The following CROCC variants were observed in gnomAD, a reference collection of about 807,000 sequenced individuals.
CROCC encodes the protein ciliary rootlet coiled-coil, rootletin, also known as rootletin.
In CROCC, 180 loss-of-function variants were observed where a neutral mutation model predicts 245.2. The ratio of observed to expected loss-of-function variants is 0.73; its 90% confidence interval spans 0.65 to 0.83. The LOEUF (loss-of-function observed/expected upper bound fraction) is 0.83, where lower values mean the gene tolerates loss of function less well. Among genes scored for constraint, CROCC ranks in the 40% least tolerant of loss-of-function variants. The probability of loss-of-function intolerance (pLI) is 0.00; values close to 1 mark genes in which losing one functional copy is unlikely to be tolerated. For missense variants in CROCC, 2,688 were observed against 2,779.4 expected (o/e 0.97, Z 0.74); for synonymous variants, 1,205 against 1,241.6 (o/e 0.97, Z 0.62).
chr1:16,939,900 C>T lies in CROCC; in HGVS notation c.1615C>T (p.Arg539Cys), dbSNP rs148395884. 4 of 1,612,138 alleles carry T rather than the reference C, an allele frequency of 2.5e-6. No homozygotes were observed. Among genetic ancestry groups the T allele is most frequent in the South Asian group, 2.2e-5 (2 of 91,010 alleles). The change falls in exon 13 of 37, where the codon CGT (arginine) becomes TGT (cysteine). Residue 539 changes from arginine to cysteine, a missense_variant. By Grantham distance (180) the Arg-to-Cys change is radical (BLOSUM62 -3). Coordinates refer to ENST00000375541, the MANE Select transcript of CROCC (RefSeq NM_014675.5). ...HKRQLQVQDM[R>C]GRYEASQDLL... ...GTGACCCCCCACACCCCAGGACATG[C>T]GTGGGCGCTATGAGGCAAGCCAGGA... is the stretch of plus-strand genomic sequence containing the variant.
At chr1:16,926,806 G>C (rs1250425519) in intron 3 of CROCC, among the ~76,000 whole-genome samples, 1 of 152,276 alleles carries the variant, frequency 6.6e-6, no homozygotes, top group Non-Finnish European at 1.5e-5. Context: ...AGAGTAAATT[G>C]AATGGCGGTC....
chr1:16,945,202 C>T (rs1326742309), intron 14 of CROCC, among the ~76,000 whole-genome samples: 1 of 152,280 alleles, frequency 6.6e-6, no homozygotes, highest in Non-Finnish European at 1.5e-5. Context: ...CACTGTACTC[C>T]AGCCTGTGTG....
At chr1:16,938,757 G>C (rs2075848492) in intron 11 of CROCC, 152 bp from the exon 12 acceptor site, 2 of 836,630 alleles carry the variant, frequency 2.4e-6, no homozygotes, top group Non-Finnish European at 3.8e-6. Flanking sequence ...GCCGAGGACT[G>C]AGCTAGTGGA....
At chr1:16,926,036 G>C (rs1311818412) in intron 3 of CROCC, among the ~76,000 whole-genome samples, 7 of 152,280 alleles carry the variant, frequency 4.6e-5, no homozygotes, top group African/African-American at 1.7e-4. Flanking sequence ...GAGGTGGGAG[G>C]TAGCAGGTTC....
intron 15 of CROCC, among the ~76,000 whole-genome samples, 153 bp from the exon 16 acceptor site, chr1:16,946,106 C>T (rs866733511): frequency 1.6e-4 from 25 of 152,342 alleles, no homozygotes; most frequent in African/African-American, 4.3e-4. Context: ...AGGCTTTCTG[C>T]GGTGATTTTT....
rs747525189 is a variant in CROCC, at chr1:16,939,005, C to G, written c.1471C>G (p.Arg491Gly). ...NGSLRGLSGQ[R>G]TPSPPRRSSP... ...CAGCCTGCGGGGGCTCTCGGGCCAG[C>G]GGACCCCGTCCCCACCGCGGCGCTC... The change falls in exon 12 of 37, where the codon CGG (arginine) becomes GGG (glycine). Residue 491 changes from arginine to glycine, a missense_variant. Around this residue, in one of 9 missense-constraint regions of CROCC, gnomAD observed 972 missense variants for 895.3 expected, o/e 1.09. Transcript: ENST00000375541. The G allele has an allele frequency of 3.7e-6, 6 of 1,602,848 alleles. No individual in the cohort carries two copies. Among genetic ancestry groups the G allele is most frequent in the Non-Finnish European group, 5.1e-6 (6 of 1,176,516 alleles).
chr1:16,945,201 C>T (rs530249695), intron 14 of CROCC, among the ~76,000 whole-genome samples: 1 of 152,264 alleles, frequency 6.6e-6, no homozygotes, highest in East Asian at 1.9e-4. Flanking sequence ...CCACTGTACT[C>T]CAGCCTGTGT....
At chr1:16,941,520 A>C (rs1191876324) in intron 13 of CROCC, 2 of 152,606 alleles carry the variant, frequency 1.3e-5, no homozygotes, top group Admixed American at 1.3e-4. Context: ...TGAGGTCAGG[A>C]GATTGAGACC....
rs1227502081 is a variant in CROCC, at chr1:16,934,789, T to C, written c.957-1848T>C. The stretch of plus-strand genomic sequence containing the variant: ...AGGCAAGCAGCATTATCAGCTTCTT[T>C]TTCTTTTTATATATACAGATTTTTT... On this transcript the variant is annotated intron_variant, in intron 8 of 36. Coordinates refer to ENST00000375541, the MANE Select transcript of CROCC (RefSeq NM_014675.5). Among the ~76,000 whole-genome samples the C allele has an allele frequency of 3.9e-5, 6 of 152,246 alleles. No homozygotes were observed. The East Asian group carries it at 1.2e-3, about 29-fold the overall frequency.
At chr1:16,957,763 T>TA (rs1051115931) in intron 25 of CROCC, among the ~76,000 whole-genome samples, 6 of 152,046 alleles carry the variant, frequency 3.9e-5, no homozygotes, top group African/African-American at 7.3e-5. Flanking sequence ...TTTTTTTAAT[T>TA]AAAAAAATTG....
intron 30 of CROCC, among the ~76,000 whole-genome samples, chr1:16,967,949 G>A (rs557535591): frequency 1.8e-4 from 27 of 152,286 alleles, no homozygotes; most frequent in African/African-American, 2.6e-4. Context: ...CATAGGGCGC[G>A]AAGGGGCAGT....
upstream of CROCC, among the ~76,000 whole-genome samples, chr1:16,917,104 C>G (rs552307944): frequency 8.5e-5 from 13 of 152,396 alleles, no homozygotes; most frequent in East Asian, 1.5e-3. Context: ...GGTGACAGAG[C>G]CAGACTCCAT....
In CROCC at chr1:16,923,674, C is replaced by CTTT. The variant is rs61063425; in HGVS notation, c.197-629_197-627dup. Among the ~76,000 whole-genome samples, 627 of 103,462 alleles carry CTTT rather than the reference C, an allele frequency of 6.1e-3. 3 individuals carry two copies. The highest frequency in any genetic ancestry group is 0.012 in the Middle Eastern group (2 of 170). 67.9% of individuals were successfully genotyped at this position (103,462 alleles called of 152,430 possible). A position where few individuals can be genotyped will look rare whatever the true frequency, so the allele number is the denominator to read the frequency against. On this transcript the variant is annotated intron_variant, in intron 2 of 36. Coordinates refer to ENST00000375541, the MANE Select transcript of CROCC (RefSeq NM_014675.5). ...GAGGATCTGGTTACTACTATTCTAC[C>CTTT]TTTTTTTTTTTTTTTTTTTTTTTTG... is the stretch of plus-strand genomic sequence containing the variant.
In CROCC at chr1:16,951,025, C is replaced by T. The variant is rs143602735; in HGVS notation, c.2909C>T (p.Ala970Val). The T allele has an allele frequency of 9.3e-6, 15 of 1,606,894 alleles. No homozygotes were observed. The African/African-American group carries it at 2.0e-4, about 22-fold the overall frequency. The change falls in exon 20 of 37, where the codon GCC becomes GTC. Residue 970 changes from alanine (A) to valine (V), a missense_variant. Physicochemically the swap from Ala to Val is moderately conservative, Grantham distance 64. Around this residue, in one of 9 missense-constraint regions of CROCC, gnomAD observed 106 missense variants for 126.1 expected, o/e 0.84. Transcript: ENST00000375541. ...EKASLDKELM[A>V]QKLVQAEREA... ...GCCAGTCTAGACAAGGAGCTGATGG[C>T]CCAGAAGCTGGTGCAGGCTGAGCGG...
Position 16,969,910 on chromosome 1 carries a change from G to C in CROCC, c.5427G>C (p.Glu1809Asp). ...ADLELQRVEA[E>D]GQLQQLREVL... ...TGGAACTGCAGCGGGTGGAGGCCGAGGGCCAGCTACAACAGCTACGGGAGG... is the reference window on the plus strand; with the variant it reads ...TGGAACTGCAGCGGGTGGAGGCCGACGGCCAGCTACAACAGCTACGGGAGG... The change falls in exon 33 of 37, where the codon GAG (glutamate) becomes GAC (aspartate). Residue 1809 changes from glutamate to aspartate, a missense_variant. This residue lies in a region of CROCC where 1,218 missense variants were observed against 1,286.3 expected (regional missense o/e 0.95). Coordinates refer to ENST00000375541, the MANE Select transcript of CROCC (RefSeq NM_014675.5). The C allele has an allele frequency of 6.2e-7, 1 of 1,604,810 alleles. No individual in the cohort carries two copies. Among genetic ancestry groups the C allele is most frequent in the Non-Finnish European group, 8.5e-7 (1 of 1,175,246 alleles).
intron 8 of CROCC, among the ~76,000 whole-genome samples, chr1:16,935,414 TTTTTGTTTTG>T (rs1049790082): frequency 1.1e-4 from 16 of 152,234 alleles, no homozygotes; most frequent in South Asian, 6.2e-4. Context: ...TCCACTGGTT[TTTTTGTTTTG>T]TTTTGTTTTG....
Position 16,955,411 on chromosome 1 carries a change from G to C in CROCC, c.3565G>C (p.Glu1189Gln), listed in dbSNP as rs1246708398. 1 of 1,602,534 alleles carries C rather than the reference G, an allele frequency of 6.2e-7. No homozygotes were observed. The highest frequency in any genetic ancestry group is 1.3e-5 in the African/African-American group (1 of 74,830). Residue 1189 changes from glutamate (E) to glutamine (Q), a missense_variant, in exon 24 of 37, where the codon GAG becomes CAG. Physicochemically the swap from Glu to Gln is conservative, Grantham distance 29. This residue lies in a region of CROCC where 1,218 missense variants were observed against 1,286.3 expected (regional missense o/e 0.95). Transcript: ENST00000375541. Reference protein sequence around the residue: ...EAQRKLRESQEGREVQRQEAG... With the variant: ...EAQRKLRESQQGREVQRQEAG... ...CCAGCGCAAGCTGCGTGAGAGCCAG[G>C]AGGGCCGGGAGGTGCAGCGCCAGGA...
chr1:16,956,807 G>C lies in CROCC; in HGVS notation c.3864+651G>C, dbSNP rs562668593. Among the ~76,000 whole-genome samples, 4 of 152,008 alleles carry C rather than the reference G, an allele frequency of 2.6e-5. No individual in the cohort carries two copies. In the South Asian group the frequency reaches 8.3e-4, roughly 32 times the overall value. On this transcript the variant is annotated intron_variant, in intron 25 of 36. Transcript: ENST00000375541. ...GAATTTGGCCTGTGAGCTGTAGTTC[G>C]CTGACCCGTGAATTCGATGATCTGC...
At position 16,955,441 on chromosome 1, in the gene CROCC, G is replaced by C; in HGVS notation, c.3595G>C (p.Gly1199Arg). 1 of 1,597,304 alleles carries C rather than the reference G, an allele frequency of 6.3e-7. No homozygotes were observed. Among genetic ancestry groups the C allele is most frequent in the Non-Finnish European group, 8.5e-7 (1 of 1,175,092 alleles). ...CCGGGAGGTGCAGCGCCAGGAGGCA[G>C]GCGAGCTGCGACGCAGCCTGGGCGA... is the stretch of plus-strand genomic sequence containing the variant. ...EGREVQRQEAGELRRSLGEGA... is the reference protein window; with the variant it reads ...EGREVQRQEARELRRSLGEGA... Residue 1199 changes from glycine (G) to arginine (R), a missense_variant, in exon 24 of 37, where the codon GGC (glycine) becomes CGC (arginine). Gly to Arg is a moderately radical substitution (Grantham distance 125). This residue lies in a region of CROCC where 1,218 missense variants were observed against 1,286.3 expected (regional missense o/e 0.95). Coordinates refer to ENST00000375541, the MANE Select transcript of CROCC (RefSeq NM_014675.5).
Sources: gnomAD v4.1 joint callset for allele counts (sites outside exome capture counted in the v4.1 genomes callset) on GRCh38, gnomAD v4.1.1 for gene constraint, gnomAD v4.1.1 regional missense constraint, MANE v1.5 for transcripts, NCBI Gene and HGNC (gene_info 2026-07-23, HGNC 2026-07-21) for gene names.